SSH2: variants seen among roughly 807,000 people sequenced by gnomAD.
SSH2 encodes protein phosphatase Slingshot homolog 2.
A neutral mutation model predicts 135.2 loss-of-function variants in SSH2; 37 were observed. The observed-to-expected ratio is 0.27, with a 90% CI of 0.21 to 0.36. SSH2 has a LOEUF of 0.36. Among genes scored for constraint, SSH2 ranks in the 10% least tolerant of loss-of-function variants. SSH2 has a pLI of 1.00. For synonymous variants in SSH2, 628 were observed against 646.2 expected (o/e 0.97, Z 0.43); for missense variants, 1,408 against 1,765.3 (o/e 0.80, Z 3.63).
intron 2 of SSH2, among the ~76,000 whole-genome samples, chr17:29,847,305 C>T (rs1459936465): frequency 6.6e-5 from 10 of 152,144 alleles, no homozygotes. Context: ...GTCACCAAGT[C>T]TTCAACTTAG....
At chr17:29,872,652 C>T (rs143880393) in intron 1 of SSH2, among the ~76,000 whole-genome samples, 3,168 of 152,006 alleles carry the variant, frequency 0.021, 45 homozygotes, top group Middle Eastern at 0.058. Flanking sequence ...TAACAAGGTG[C>T]TATGGAGTAC....
chr17:29,634,244 G>A (rs1006878437), intron 15 of SSH2, among the ~76,000 whole-genome samples: 10 of 152,260 alleles, frequency 6.6e-5, no homozygotes, highest in Non-Finnish European at 1.2e-4. Flanking sequence ...CGGACAAAGC[G>A]GTAAATATAA....
intron 14 of SSH2, chr17:29,640,911 C>T (rs2036132296): frequency 6.6e-6 from 1 of 152,070 alleles, no homozygotes; most frequent in Non-Finnish European, 1.5e-5. Context: ...ATATATTCTT[C>T]ACCAATGGAT....
chr17:29,647,001 G>A (rs566631128), intron 14 of SSH2, among the ~76,000 whole-genome samples: 7 of 151,376 alleles, frequency 4.6e-5, no homozygotes, highest in Non-Finnish European at 1.0e-4. Context: ...CAGGCTGGGT[G>A]GGGTGGCTCA....
intron 6 of SSH2, among the ~76,000 whole-genome samples, chr17:29,684,084 C>A (rs1248312052): frequency 2.6e-5 from 4 of 152,230 alleles, no homozygotes; most frequent in Non-Finnish European, 5.9e-5. Context: ...CAAAGACATT[C>A]ACTAAACATT....
At chr17:29,682,741 G>A (rs1241930435) in intron 6 of SSH2, among the ~76,000 whole-genome samples, 1 of 152,202 alleles carries the variant, frequency 6.6e-6, no homozygotes, top group East Asian at 1.9e-4. Flanking sequence ...CACAGATCTA[G>A]AAAGATTAAA....
At chr17:29,680,266 T>G (rs185418267) in intron 6 of SSH2, among the ~76,000 whole-genome samples, 1 of 152,086 alleles carries the variant, frequency 6.6e-6, no homozygotes, top group African/African-American at 2.4e-5. Flanking sequence ...GCTTAACACC[T>G]TAAGAGTGAT....
At chr17:29,707,768 C>T (rs995775573) in intron 3 of SSH2, among the ~76,000 whole-genome samples, 25 of 152,144 alleles carry the variant, frequency 1.6e-4, no homozygotes, top group Admixed American at 7.2e-4. Context: ...TTAAGTGATC[C>T]GCCCGCCTTG....
intron 14 of SSH2, among the ~76,000 whole-genome samples, chr17:29,643,554 C>T (rs116014576): frequency 1.0e-3 from 158 of 152,108 alleles, no homozygotes; most frequent in African/African-American, 3.6e-3. Flanking sequence ...GGTGAAGTGG[C>T]GTGATCTCAA....
chr17:29,663,302 A>C (rs998531758), intron 11 of SSH2, among the ~76,000 whole-genome samples: 1 of 152,248 alleles, frequency 6.6e-6, no homozygotes, highest in Admixed American at 6.5e-5. Context: ...CATGGCAGCT[A>C]TGCAAGATGA....
rs1280802610 is a variant in SSH2 at position 29,630,825 on chromosome 17, A to C, written c.*16T>G. On this transcript the variant is annotated 3_prime_UTR_variant, in exon 16 of 16. Coordinates refer to ENST00000540801, the MANE Select transcript of SSH2 (RefSeq NM_001282129.2). Reference sequence around the variant, plus strand: ...ACAAACATTTCTTCTAGAAAGTCACATGTGTAGGCTCAGAATCACATGGTA... The same window carrying C: ...ACAAACATTTCTTCTAGAAAGTCACCTGTGTAGGCTCAGAATCACATGGTA... The C allele has an allele frequency of 1.4e-5, 21 of 1,517,808 alleles. No homozygotes were observed. The highest frequency in any genetic ancestry group is 1.8e-5 in the Non-Finnish European group (20 of 1,131,812). The allele number at this position is 1,517,808 out of a possible 1,614,324, so 94.0% of individuals were successfully genotyped here. A position where few individuals can be genotyped will look rare whatever the true frequency, so the allele number is the denominator to read the frequency against.
At chr17:29,720,308 A>G (rs1371669236) in intron 3 of SSH2, among the ~76,000 whole-genome samples, 2 of 152,188 alleles carry the variant, frequency 1.3e-5, no homozygotes, top group African/African-American at 4.8e-5. Flanking sequence ...TAACTCTCAA[A>G]ATTAATTGGC....
At chr17:29,638,889 T>C (rs2036030716) in intron 14 of SSH2, among the ~76,000 whole-genome samples, 1 of 152,000 alleles carries the variant, frequency 6.6e-6, no homozygotes, top group South Asian at 2.1e-4. Context: ...TGGGCATGTT[T>C]AAAAATTATA....
At chr17:29,680,551 CAAAAAAAAAAAA>C (rs1160865828) in intron 6 of SSH2, among the ~76,000 whole-genome samples, 7 of 21,540 alleles carry the variant, frequency 3.2e-4, no homozygotes, top group East Asian at 2.7e-3. Flanking sequence ...GACTCCCTCT[CAAAAAAAAAAAA>C]AAAAAAAAAA....
At chr17:29,674,441 C>T (rs1237759888) in intron 8 of SSH2, among the ~76,000 whole-genome samples, 1 of 152,130 alleles carries the variant, frequency 6.6e-6, no homozygotes, top group Non-Finnish European at 1.5e-5. Context: ...AAAGCATATG[C>T]CACAGAGTCT....
chr17:29,798,591 A>C, intron 2 of SSH2, among the ~76,000 whole-genome samples: 1 of 151,836 alleles, frequency 6.6e-6, no homozygotes, highest in South Asian at 2.1e-4. Flanking sequence ...AACCTCATTG[A>C]GTGTTTATTC....
At chr17:29,774,199 A>G (rs981224586) in intron 3 of SSH2, among the ~76,000 whole-genome samples, 7 of 152,248 alleles carry the variant, frequency 4.6e-5, no homozygotes, top group Non-Finnish European at 1.0e-4. Flanking sequence ...AATTGTGTTC[A>G]TAATAAACCT....
rs2035563326 is a variant in SSH2 at position 29,628,516 on chromosome 17, G to A, written c.*2325C>T. 6.6e-6 allele frequency: 1 copy of A among 152,110 alleles called. No homozygotes were observed. Among genetic ancestry groups the A allele is most frequent in the Admixed American group, 6.6e-5 (1 of 15,260 alleles). 9.4% of individuals were successfully genotyped at this position (152,110 alleles called of 1,614,324 possible). A position where few individuals can be genotyped will look rare whatever the true frequency, so the allele number is the denominator to read the frequency against. ...GTGGATGCCACTCTCTTAACTTCCA[G>A]GCAAACCCTCTCCCCACCCTGCCAT... On this transcript the variant is annotated 3_prime_UTR_variant, in exon 16 of 16. Coordinates refer to ENST00000540801, the MANE Select transcript of SSH2 (RefSeq NM_001282129.2).
chr17:29,684,485 A>G, intron 6 of SSH2, 78 bp downstream of exon 6: 1 of 742,586 alleles, frequency 1.3e-6, no homozygotes, highest in Non-Finnish European at 1.8e-6. Context: ...GTCCCCATTA[A>G]AAAAAAAAAA....
Sources: allele counts gnomAD v4.1 joint callset (sites outside exome capture counted in the v4.1 genomes callset), GRCh38; gene constraint gnomAD v4.1.1; transcripts MANE v1.5; gene names NCBI Gene and HGNC (gene_info 2026-07-23, HGNC 2026-07-21).